The following OSBPL1A variants were observed in gnomAD, a reference collection of about 807,000 sequenced individuals.
OSBPL1A encodes oxysterol-binding protein-related protein 1.
In OSBPL1A, 80 loss-of-function variants were observed where a neutral mutation model predicts 137.1. The observed-to-expected ratio is 0.58, with a 90% CI of 0.49 to 0.70. The LOEUF is 0.70. Among genes scored for constraint, OSBPL1A ranks in the 30% least tolerant of loss-of-function variants. OSBPL1A has a pLI of 0.00. For synonymous variants in OSBPL1A, 365 were observed against 389.7 expected, an observed-to-expected ratio of 0.94 and a Z score of 0.75; for missense variants, 970 against 1,129.4, an observed-to-expected ratio of 0.86 and a Z score of 2.02.
At chr18:24,384,883 AAAAGAAAAAAG>A (rs1009198582) in intron 1 of OSBPL1A, among the ~76,000 whole-genome samples, 1 of 151,850 alleles carries the variant, frequency 6.6e-6, no homozygotes, top group Non-Finnish European at 1.5e-5. Context: ...GGAAAAAAAA[AAAAGAAAAAAG>A]AAAGAAAAAG....
chr18:24,374,806 G>C (rs1190067077), intron 2 of OSBPL1A, among the ~76,000 whole-genome samples: 2 of 152,240 alleles, frequency 1.3e-5, no homozygotes, highest in Middle Eastern at 3.4e-3. Flanking sequence ...TGAGAGACCT[G>C]AGTTTGACTT....
Position 24,377,008 on chromosome 18 carries a change from C to T in OSBPL1A, c.121+405G>A, listed in dbSNP as rs573638422. ...GCAAGCCGAGGGAGCCGGCTCCAGC[C>T]TTGGCCAGCACAGAAAGGGGCTCCC... On this transcript the variant is annotated intron_variant, in intron 2 of 27. Transcript: ENST00000319481. Among the ~76,000 whole-genome samples, 7 of 152,374 alleles carry T rather than the reference C, an allele frequency of 4.6e-5. No individual in the cohort carries two copies. In the South Asian group the frequency reaches 1.4e-3, roughly 32 times the overall value.
chr18:24,312,201 T>G (rs1382932511), intron 12 of OSBPL1A, 95 bp from the exon 13 acceptor site: 1 of 1,445,450 alleles, frequency 6.9e-7, no homozygotes, highest in South Asian at 1.3e-5. Flanking sequence ...ATTTACCTAG[T>G]GAAATAAATA....
intron 16 of OSBPL1A, among the ~76,000 whole-genome samples, chr18:24,236,412 G>A (rs549221810): frequency 3.0e-4 from 46 of 152,202 alleles, no homozygotes; most frequent in Middle Eastern, 3.4e-3. Context: ...GACTACAGAG[G>A]GAAGATGAAG....
chr18:24,242,874 T>C (rs1415539372), intron 15 of OSBPL1A, among the ~76,000 whole-genome samples: 1 of 152,158 alleles, frequency 6.6e-6, no homozygotes, highest in African/African-American at 2.4e-5. Context: ...ATAATCTAAA[T>C]TGTATCTCCA....
intron 7 of OSBPL1A, among the ~76,000 whole-genome samples, chr18:24,322,853 T>A (rs1019642488): frequency 9.9e-5 from 15 of 152,140 alleles, no homozygotes; most frequent in Admixed American, 3.3e-4. Context: ...GCCTCCTAGA[T>A]GGAATCTAGA....
intron 7 of OSBPL1A, among the ~76,000 whole-genome samples, chr18:24,324,786 A>C (rs1344413326): frequency 6.8e-4 from 52 of 76,640 alleles, no homozygotes; most frequent in East Asian, 4.4e-3. Flanking sequence ...TCTGTCTATT[A>C]AAAAAAAAAA....
At chr18:24,281,888 T>G (rs111982160) in intron 14 of OSBPL1A, among the ~76,000 whole-genome samples, 1 of 151,744 alleles carries the variant, frequency 6.6e-6, no homozygotes, top group Non-Finnish European at 1.5e-5. Context: ...GAGTGGAGGG[T>G]GAGTGAGCAT....
chr18:24,313,350 A>G (rs1017328301), intron 12 of OSBPL1A, among the ~76,000 whole-genome samples: 10 of 151,490 alleles, frequency 6.6e-5, no homozygotes, highest in Non-Finnish European at 1.3e-4. Context: ...TGGAGGCAGG[A>G]GAATCACTTG....
At chr18:24,368,440 T>C in intron 2 of OSBPL1A, 68 bp from the exon 3 acceptor site, 1 of 1,161,096 alleles carries the variant, frequency 8.6e-7, no homozygotes, top group South Asian at 1.3e-5. Context: ...AATTAACTTC[T>C]CCATAACAAG....
intron 12 of OSBPL1A, 26 bp downstream of exon 12, chr18:24,314,223 A>C (rs1226891828): frequency 2.0e-6 from 3 of 1,476,568 alleles, no homozygotes; most frequent in Non-Finnish European, 2.8e-6. Flanking sequence ...AAGTTTTAGG[A>C]AAGATACATG....
intron 20 of OSBPL1A, 107 bp downstream of exon 20, chr18:24,179,631 T>A (rs2086545403): frequency 1.1e-6 from 1 of 903,154 alleles, no homozygotes; most frequent in Admixed American, 2.3e-5. Context: ...ATCAAAATTG[T>A]TAACTTGCTC....
intron 17 of OSBPL1A, among the ~76,000 whole-genome samples, chr18:24,210,394 T>G (rs2087501506): frequency 6.6e-6 from 1 of 152,050 alleles, no homozygotes; most frequent in Admixed American, 6.6e-5. Flanking sequence ...GCTAAAATTG[T>G]GCTACTGCAC....
At position 24,225,145 on chromosome 18, in the gene OSBPL1A, A is replaced by C; in HGVS notation, c.1498T>G (p.Phe500Val). ...SRLEAVTARSFEEEGEHLGSR... is the reference protein window; with the variant it reads ...SRLEAVTARSVEEEGEHLGSR... ...CCCAAATGCTCTCCTTCCTCTTCAA[A>C]GGAGCGTGCTGTCACTGCTTCCAAT... The change falls in exon 17 of 28, where the codon TTT becomes GTT. Residue 500 changes from phenylalanine (F) to valine (V), a missense_variant. Physicochemically the swap from Phe to Val is conservative, Grantham distance 50. Around this residue, in one of 2 missense-constraint regions of OSBPL1A, gnomAD observed 647 missense variants for 672.6 expected, o/e 0.96. Coordinates refer to ENST00000319481, the MANE Select transcript of OSBPL1A (RefSeq NM_080597.4). The C allele has an allele frequency of 2.5e-6, 4 of 1,614,174 alleles. No homozygotes were observed. The highest frequency in any genetic ancestry group is 2.5e-6 in the Non-Finnish European group (3 of 1,180,018).
rs571929225 is a variant in OSBPL1A, at chr18:24,195,634, A to G, written c.1677+491T>C. Among the ~76,000 whole-genome samples, 5 of 152,308 alleles carry G rather than the reference A, an allele frequency of 3.3e-5. No individual in the cohort carries two copies. In the East Asian group the frequency reaches 7.7e-4, roughly 24 times the overall value. ...TGACTACTACCTTCAAGGGAATCCA[A>G]GGATTTCTATGAAAGGAAATGCTGC... On this transcript the variant is annotated intron_variant, in intron 18 of 27. Transcript: ENST00000319481.
At chr18:24,172,185 C>T (rs922913618) in intron 22 of OSBPL1A, among the ~76,000 whole-genome samples, 191 bp downstream of exon 22, 37 of 152,088 alleles carry the variant, frequency 2.4e-4, no homozygotes, top group African/African-American at 7.2e-5. Flanking sequence ...GTGATCCACC[C>T]GCCTCGGCCT....
Position 24,170,343 on chromosome 18 carries a change from T to C in OSBPL1A, c.2402A>G (p.Lys801Arg). ...GATGTTCACCTGTTTGCTGTTCTTC[T>C]TCTCTTCTGTATTTTTCTTATCATT... Reference protein sequence around the residue: ...KKNDKKNTEEKKNSKQMSTSE... With the variant: ...KKNDKKNTEERKNSKQMSTSE... The change falls in exon 24 of 28, where the codon AAG (lysine) becomes AGG (arginine). Residue 801 changes from lysine to arginine, a missense_variant. Lys to Arg is a conservative substitution (Grantham distance 26, BLOSUM62 2). Transcript: ENST00000319481. The C allele has an allele frequency of 6.2e-7, 1 of 1,614,196 alleles. No homozygotes were observed. Among genetic ancestry groups the C allele is most frequent in the South Asian group, 1.1e-5 (1 of 91,080 alleles).
At chr18:24,362,587 T>G (rs1344076140) in intron 4 of OSBPL1A, among the ~76,000 whole-genome samples, 1 of 152,230 alleles carries the variant, frequency 6.6e-6, no homozygotes, top group African/African-American at 2.4e-5. Flanking sequence ...TCATGATAAA[T>G]TCACATAAAG....
At chr18:24,390,351 A>T (rs2144281584) in intron 1 of OSBPL1A, among the ~76,000 whole-genome samples, 1 of 152,356 alleles carries the variant, frequency 6.6e-6, no homozygotes, top group Non-Finnish European at 1.5e-5. Flanking sequence ...CCATTGACAG[A>T]TGAATGGAAA....
Sources: allele counts gnomAD v4.1 joint callset (sites outside exome capture counted in the v4.1 genomes callset), GRCh38; gene constraint gnomAD v4.1.1; regional missense constraint gnomAD v4.1.1; transcripts MANE v1.5; gene names NCBI Gene and HGNC (gene_info 2026-07-23, HGNC 2026-07-21).